EGLN1: variants seen among roughly 807,000 people sequenced by gnomAD.
EGLN1 encodes the protein egl-9 family hypoxia inducible factor 1.
A neutral mutation model predicts 38.3 loss-of-function variants in EGLN1; 17 were observed. The ratio of observed to expected loss-of-function variants is 0.44; its 90% CI spans 0.30 to 0.67. The LOEUF (loss-of-function observed/expected upper bound fraction) is 0.67, where lower values mean the gene tolerates loss of function less well. Among genes scored for constraint, EGLN1 ranks in the 30% least tolerant of loss-of-function variants. The pLI, the probability that EGLN1 is intolerant of heterozygous loss-of-function variation, is 0.08. For synonymous variants in EGLN1, 283 were observed against 257.5 expected (o/e 1.10, Z -0.95); for missense variants, 477 against 603.3 (o/e 0.79, Z 2.19).
intron 2 of EGLN1, among the ~76,000 whole-genome samples, chr1:231,373,060 AAT>A (rs1181127358): frequency 6.6e-6 from 1 of 152,214 alleles, no homozygotes; most frequent in Non-Finnish European, 1.5e-5. Flanking sequence ...CTAGTGTAGT[AAT>A]ATATGACATA....
At chr1:231,399,028 T>C (rs1450715089) in intron 1 of EGLN1, among the ~76,000 whole-genome samples, 2 of 152,254 alleles carry the variant, frequency 1.3e-5, no homozygotes, top group Non-Finnish European at 2.9e-5. Context: ...AAAATGCCAA[T>C]AAGACATACA....
At chr1:231,368,970 T>C (rs2102892334) in intron 3 of EGLN1, among the ~76,000 whole-genome samples, 1 of 152,338 alleles carries the variant, frequency 6.6e-6, no homozygotes, top group South Asian at 2.1e-4. Flanking sequence ...CATAATTTTA[T>C]GTATCTTTTG....
At chr1:231,398,349 G>T (rs1053962616) in intron 1 of EGLN1, among the ~76,000 whole-genome samples, 2 of 151,960 alleles carry the variant, frequency 1.3e-5, no homozygotes, top group African/African-American at 4.8e-5. Flanking sequence ...TTTTTAAAGA[G>T]ATGGGGGTCA....
chr1:231,367,257 T>C (rs1455458007), intron 4 of EGLN1, among the ~76,000 whole-genome samples: 1 of 152,200 alleles, frequency 6.6e-6, no homozygotes, highest in Admixed American at 6.5e-5. Context: ...GAGGAAACCA[T>C]ATGGCCGTTA....
intron 1 of EGLN1, among the ~76,000 whole-genome samples, chr1:231,401,725 AGAT>A (rs1039901666): frequency 1.3e-3 from 197 of 152,312 alleles, no homozygotes; most frequent in African/African-American, 4.4e-3. Flanking sequence ...TTTACTCACC[AGAT>A]GATGGACATT....
chr1:231,381,550 C>T (rs1688078477), intron 1 of EGLN1, among the ~76,000 whole-genome samples: 1 of 151,832 alleles, frequency 6.6e-6, no homozygotes, highest in African/African-American at 2.4e-5. Flanking sequence ...TAATTCTAGC[C>T]CATGATTAAA....
chr1:231,421,507 G>C lies in EGLN1; in HGVS notation c.382C>G (p.Arg128Gly), dbSNP rs756094298. Residue 128 changes from arginine to glycine, a missense_variant, in exon 1 of 5, where the codon CGT (arginine) becomes GGT (glycine). Around this residue, in one of 4 missense-constraint regions of EGLN1, gnomAD observed 298 missense variants for 288.9 expected, o/e 1.03. Transcript: ENST00000366641. This position sits in a 1 kb window ranked among gnomAD's most constrained non-coding sequence, Gnocchi z 5.5. ...GAGCCCTGGCCGCCGGCGGCCGCAC[G>C]ACACGGCGACGCGGCCGCCGCTGGG... ...ADPAAAASPCRAAAGGQGSAV... is the reference protein window; with the variant it reads ...ADPAAAASPCGAAAGGQGSAV... The C allele has an allele frequency of 3.3e-5, 43 of 1,318,580 alleles. No individual in the cohort carries two copies. Among genetic ancestry groups the C allele is most frequent in the Middle Eastern group, 2.4e-4 (1 of 4,204 alleles). 81.7% of individuals were successfully genotyped at this position (1,318,580 alleles called of 1,614,324 possible).
At chr1:231,409,494 A>C (rs1688878876) in intron 1 of EGLN1, among the ~76,000 whole-genome samples, 1 of 152,130 alleles carries the variant, frequency 6.6e-6, no homozygotes, top group African/African-American at 2.4e-5. Context: ...TGAATAACTA[A>C]ATGAAGTTCA....
intron 1 of EGLN1, among the ~76,000 whole-genome samples, chr1:231,391,930 T>TA (rs1489250991): frequency 1.3e-5 from 2 of 152,126 alleles, no homozygotes; most frequent in African/African-American, 2.4e-5. Flanking sequence ...ATAAGAAGTT[T>TA]AAAAAAACAA....
intron 1 of EGLN1, among the ~76,000 whole-genome samples, chr1:231,402,568 G>A (rs1261860407): frequency 6.6e-6 from 1 of 151,660 alleles, no homozygotes; most frequent in African/African-American, 2.4e-5. Flanking sequence ...CCGAGTAGCT[G>A]GGATTACAGG....
At chr1:231,399,979 C>T (rs1688623684) in intron 1 of EGLN1, among the ~76,000 whole-genome samples, 1 of 152,100 alleles carries the variant, frequency 6.6e-6, no homozygotes, top group African/African-American at 2.4e-5. Flanking sequence ...GCAACTATCA[C>T]ATAAAGACAG....
intron 3 of EGLN1, chr1:231,369,723 C>T (rs1269485156): frequency 2.5e-6 from 1 of 395,528 alleles, no homozygotes; most frequent in Non-Finnish European, 3.4e-6. Flanking sequence ...CGCATCTAAG[C>T]CTGTGCCTCT....
intron 1 of EGLN1, among the ~76,000 whole-genome samples, chr1:231,406,171 A>AAAAAAAAAAAAC (rs1489716104): frequency 6.7e-6 from 1 of 149,646 alleles, no homozygotes; most frequent in Non-Finnish European, 1.5e-5. Flanking sequence ...GTCTCAAAAA[A>AAAAAAAAAAAAC]AAAAAAAATT....
intron 1 of EGLN1, among the ~76,000 whole-genome samples, chr1:231,380,124 G>GCTT (rs1427703330): frequency 6.6e-6 from 1 of 152,150 alleles, no homozygotes; most frequent in Non-Finnish European, 1.5e-5. Context: ...GCATGGGATA[G>GCTT]CTGAAGCCGT....
In EGLN1 at chr1:231,402,563, T is replaced by C. The variant is rs180849204; in HGVS notation, c.891+18435A>G. Reference sequence around the variant, plus strand: ...CATTCTCCTGCTTCACCCTCCCGAGTAGCTGGGATTACAGGTGCACGCCAC... The same window carrying C: ...CATTCTCCTGCTTCACCCTCCCGAGCAGCTGGGATTACAGGTGCACGCCAC... On this transcript the variant is annotated intron_variant, in intron 1 of 4. Coordinates refer to ENST00000366641, the MANE Select transcript of EGLN1 (RefSeq NM_022051.3). Among the ~76,000 whole-genome samples, 672 of 151,862 alleles carry C rather than the reference T, an allele frequency of 4.4e-3. 2 individuals carry two copies. Among genetic ancestry groups the C allele is most frequent in the Middle Eastern group, 0.01 (3 of 292 alleles).
chr1:231,405,690 C>T lies in EGLN1; in HGVS notation c.891+15308G>A, dbSNP rs1052042542. 3.9e-5 allele frequency among the ~76,000 whole-genome samples: 6 copies of T among 152,072 alleles called. No individual in the cohort carries two copies. In the East Asian group the frequency reaches 7.8e-4, roughly 20 times the overall value. Reference sequence around the variant, plus strand: ...CTGGCTTCTGTCCACAAACATCTTCCCCACCCCACACTACTGTTCTCCCTT... The same window carrying T: ...CTGGCTTCTGTCCACAAACATCTTCTCCACCCCACACTACTGTTCTCCCTT... On this transcript the variant is annotated intron_variant, in intron 1 of 4. Coordinates refer to ENST00000366641, the MANE Select transcript of EGLN1 (RefSeq NM_022051.3).
intron 1 of EGLN1, among the ~76,000 whole-genome samples, chr1:231,391,063 T>TTGTGTGAGA (rs1553353037): frequency 2.4e-5 from 2 of 83,044 alleles, no homozygotes; most frequent in Non-Finnish European, 5.7e-5. Flanking sequence ...CGTGTGTGTG[T>TTGTGTGAGA]GAGACAGGGA....
At chr1:231,367,034 G>C (rs182302429) in intron 4 of EGLN1, among the ~76,000 whole-genome samples, 1 of 152,294 alleles carries the variant, frequency 6.6e-6, no homozygotes, top group African/African-American at 2.4e-5. Flanking sequence ...CATAATTAAA[G>C]GATCTTCAGG....
intron 1 of EGLN1, among the ~76,000 whole-genome samples, chr1:231,379,666 G>C (rs1001215856): frequency 6.6e-6 from 1 of 152,116 alleles, no homozygotes; most frequent in Non-Finnish European, 1.5e-5. Context: ...TAAGATAACA[G>C]ATACGTCAGT....
Sources: allele counts gnomAD v4.1 joint callset (sites outside exome capture counted in the v4.1 genomes callset), GRCh38; gene constraint gnomAD v4.1.1; regional missense constraint gnomAD v4.1.1; non-coding constraint Gnocchi (gnomAD v3.1); transcripts MANE v1.5; gene names NCBI Gene and HGNC (gene_info 2026-07-23, HGNC 2026-07-21).